The following CTNNAL1 variants were observed in gnomAD, a reference collection of about 807,000 sequenced individuals.
CTNNAL1 encodes catenin alpha like 1, also known as alpha-catulin.
In CTNNAL1, 69 loss-of-function variants were observed where a neutral mutation model predicts 93.6. That is an observed-to-expected ratio of 0.74 (90% CI 0.61 to 0.90). The LOEUF is 0.90. CTNNAL1 is among the 40% of genes least tolerant of loss of function. CTNNAL1 has a pLI of 0.00. For missense variants in CTNNAL1, 836 were observed against 862.0 expected (o/e 0.97, Z 0.38); for synonymous variants, 286 against 305.4 (o/e 0.94, Z 0.66).
chr9:108,972,864 G>GGGGGGGGGGGGCGCCCCCCCCCC, intron 8 of CTNNAL1, 31 bp from the exon 9 acceptor site: 4 of 142,580 alleles, frequency 2.8e-5, no homozygotes, highest in Non-Finnish European at 4.0e-5. Context: ...GGGGGGGTGG[G>GGGGGGGGGGGGCGCCCCCCCCCC]AGGGTGGAGA....
At chr9:108,972,864 G>GGGGGGCGCCCC in intron 8 of CTNNAL1, 31 bp from the exon 9 acceptor site, 1 of 142,576 alleles carries the variant, frequency 7.0e-6, no homozygotes, top group Non-Finnish European at 1.0e-5. Context: ...GGGGGGGTGG[G>GGGGGGCGCCCC]AGGGTGGAGA....
intron 11 of CTNNAL1, among the ~76,000 whole-genome samples, chr9:108,958,059 GTC>G (rs1372192286): frequency 3.6e-4 from 23 of 63,802 alleles, no homozygotes; most frequent in Admixed American, 1.4e-3. Context: ...GAGCAAGACT[GTC>G]TCAAAAAAAA....
At position 108,970,436 on chromosome 9, in the gene CTNNAL1, T is replaced by A. The variant is rs180846178; in HGVS notation, c.1406A>T (p.His469Leu). 1 of 1,612,908 alleles carries A rather than the reference T, an allele frequency of 6.2e-7. No homozygotes were observed. The change falls in exon 10 of 19, where the codon CAT becomes CTT. Residue 469 changes from histidine (H) to leucine (L), a missense_variant. By Grantham distance (99) the His-to-Leu change is moderately conservative. Coordinates refer to ENST00000325551, the MANE Select transcript of CTNNAL1 (RefSeq NM_003798.4). ...GTEPLEITCI[H>L]AEETFQVTGQ... ...AGTCACCTGAAATGTCTCCTCTGCA[T>A]GTATACAGGTTATTTCCAGAGGTTC...
At chr9:108,960,893 A>T (rs1830804647) in intron 11 of CTNNAL1, among the ~76,000 whole-genome samples, 1 of 152,208 alleles carries the variant, frequency 6.6e-6, no homozygotes, top group Non-Finnish European at 1.5e-5. Flanking sequence ...AGACAGGAAG[A>T]CAAGTATTGA....
At chr9:108,978,063 G>C (rs1026607341) in intron 7 of CTNNAL1, among the ~76,000 whole-genome samples, 1 of 152,192 alleles carries the variant, frequency 6.6e-6, no homozygotes, top group African/African-American at 2.4e-5. Flanking sequence ...GGGTAAATTT[G>C]CTAAATTTGT....
rs1419194031 is a variant in CTNNAL1, at chr9:108,983,161, C to A, written c.884G>T (p.Gly295Val). 6.5e-7 allele frequency: 1 copy of A among 1,532,152 alleles called. No homozygotes were observed. Among genetic ancestry groups the A allele is most frequent in the South Asian group, 1.3e-5 (1 of 74,352 alleles). 94.9% of individuals were successfully genotyped at this position (1,532,152 alleles called of 1,614,324 possible). Residue 295 changes from glycine (G) to valine (V), a missense_variant, in exon 6 of 19, where the codon GGA becomes GTA. Physicochemically the swap from Gly to Val is moderately radical, Grantham distance 109. Transcript: ENST00000325551. ...TDISSISIFT[G>V]IKEFKMNIEA... ...TATTCTTACCTTGAATTCCTTAATTCCAGTAAAAATACTGATAGATGAAAT... is the reference window on the plus strand; with the variant it reads ...TATTCTTACCTTGAATTCCTTAATTACAGTAAAAATACTGATAGATGAAAT...
chr9:108,961,782 T>C (rs1253619321), intron 11 of CTNNAL1, among the ~76,000 whole-genome samples: 4 of 152,216 alleles, frequency 2.6e-5, no homozygotes, highest in Admixed American at 2.6e-4. Context: ...CAGGATTCCA[T>C]TACTAACAGA....
intron 4 of CTNNAL1, among the ~76,000 whole-genome samples, chr9:108,985,140 C>T (rs1347496112): frequency 6.6e-6 from 1 of 152,134 alleles, no homozygotes; most frequent in African/African-American, 2.4e-5. Flanking sequence ...CAACAAAATA[C>T]TCTGTTAATA....
Position 108,961,970 on chromosome 9 carries a change from T to G in CTNNAL1, c.1591+3408A>C, listed in dbSNP as rs1830830777. 3.3e-5 allele frequency among the ~76,000 whole-genome samples: 5 copies of G among 152,294 alleles called. 1 individual carries two copies. The Middle Eastern group carries it at 0.017, about 518-fold the overall frequency. On this transcript the variant is annotated intron_variant, in intron 11 of 18. Coordinates refer to ENST00000325551, the MANE Select transcript of CTNNAL1 (RefSeq NM_003798.4). ...AACTCAGAGCTGCAGTTGTGAGCAT[T>G]TTTCACAGAATTGGTTCATTCTCAT...
At chr9:108,984,568 G>T in intron 4 of CTNNAL1, 132 bp from the exon 5 acceptor site, 3 of 546,984 alleles carry the variant, frequency 5.5e-6, no homozygotes, top group Non-Finnish European at 6.4e-6. Flanking sequence ...AAAAAACCAG[G>T]ATAAAGTTTT....
intron 15 of CTNNAL1, among the ~76,000 whole-genome samples, chr9:108,944,955 T>C (rs1461746883): frequency 6.6e-6 from 1 of 152,206 alleles, no homozygotes; most frequent in Non-Finnish European, 1.5e-5. Flanking sequence ...ACATCTAGAC[T>C]CCAACCAAAT....
chr9:108,942,812 C>T lies in CTNNAL1; in HGVS notation c.2162G>A (p.Trp721Ter). 1.9e-6 allele frequency: 3 copies of T among 1,613,646 alleles called. No homozygotes were observed. The highest frequency in any genetic ancestry group is 2.5e-6 in the Non-Finnish European group (3 of 1,179,788). The change falls in exon 19 of 19, where the codon TGG becomes TAG. Residue 721 changes from tryptophan (W) to a stop codon, truncating the protein, a stop_gained. Coordinates refer to ENST00000325551, the MANE Select transcript of CTNNAL1 (RefSeq NM_003798.4). LOFTEE classifies it high-confidence loss of function. ...LKKLQMENNG[W>*]VSVTNKDTMD... ...AGTGTCCTTATTTGTAACTGAGACC[C>T]ATCCGTTATTTTCCATCTGAAGCTG... is the stretch of plus-strand genomic sequence containing the variant.
At chr9:108,943,913 G>C in intron 16 of CTNNAL1, 49 bp downstream of exon 16, 1 of 1,600,942 alleles carries the variant, frequency 6.2e-7, no homozygotes, top group Non-Finnish European at 8.5e-7. Context: ...CCCCAAAGTA[G>C]GTTATACATA....
At chr9:108,987,509 C>T (rs1206332024) in intron 4 of CTNNAL1, among the ~76,000 whole-genome samples, 9 of 151,836 alleles carry the variant, frequency 5.9e-5, no homozygotes, top group South Asian at 2.1e-4. Context: ...CTTGGCAATG[C>T]GGGCTCTTTT....
At chr9:109,003,934 C>G (rs1449446561) in intron 1 of CTNNAL1, among the ~76,000 whole-genome samples, 2 of 152,188 alleles carry the variant, frequency 1.3e-5, no homozygotes, top group African/African-American at 2.4e-5. Flanking sequence ...CTATTCCTCC[C>G]TTAAATAGGT....
At position 108,943,032 on chromosome 9, in the gene CTNNAL1, T is replaced by C; in HGVS notation, c.2068A>G (p.Ile690Val). ...GCCATCATGGATCTTGTCTTCGTAA[T>C]ACACTTGTCAACCTACAATGACAAA... ...NKVFLKVDKC[I>V]TKTRSMMALL... The change falls in exon 18 of 19, where the codon ATT becomes GTT. Residue 690 changes from isoleucine (I) to valine (V), a missense_variant. Physicochemically the swap from Ile to Val is conservative, Grantham distance 29. Transcript: ENST00000325551. The C allele has an allele frequency of 6.2e-7, 1 of 1,611,386 alleles. No individual in the cohort carries two copies. Among genetic ancestry groups the C allele is most frequent in the South Asian group, 1.1e-5 (1 of 90,158 alleles).
At chr9:108,986,173 C>A (rs1248096462) in intron 4 of CTNNAL1, among the ~76,000 whole-genome samples, 1 of 142,204 alleles carries the variant, frequency 7.0e-6, no homozygotes, top group Non-Finnish European at 1.5e-5. Flanking sequence ...GCTATCCCTC[C>A]CCCCTCCCCG....
Position 108,970,339 on chromosome 9 carries a change from C to T in CTNNAL1, c.1440+63G>A, listed in dbSNP as rs28361149. 3.0e-5 allele frequency: 43 copies of T among 1,437,962 alleles called. 1 individual carries two copies. In the South Asian group the frequency reaches 5.9e-4, roughly 20 times the overall value. 89.1% of individuals were successfully genotyped at this position (1,437,962 alleles called of 1,614,324 possible). ...AAAAACCATTTATACCTTCCATCCACACAACTTGTTATAACACTCAGATAG... is the reference window on the plus strand; with the variant it reads ...AAAAACCATTTATACCTTCCATCCATACAACTTGTTATAACACTCAGATAG... On this transcript the variant is annotated intron_variant, in intron 10 of 18. Transcript: ENST00000325551.
chr9:109,013,411 C>G lies in CTNNAL1; in HGVS notation c.32G>C (p.Gly11Ala), dbSNP rs1354912769. The change falls in exon 1 of 19, where the codon GGC becomes GCC. Residue 11 changes from glycine (G) to alanine (A), a missense_variant. Gly to Ala is a moderately conservative substitution (Grantham distance 60). Transcript: ENST00000325551. ...GGAGCCGTAGACTGCTCCGGCGCCG[C>G]CAACGCCGGCGGGTCCGGGAGAGGC... is the stretch of plus-strand genomic sequence containing the variant. MAASPGPAGV[G>A]GAGAVYGSGS... 1.3e-6 allele frequency: 2 copies of G among 1,488,930 alleles called. No homozygotes were observed. Among genetic ancestry groups the G allele is most frequent in the Admixed American group, 2.4e-5 (1 of 42,180 alleles). 92.2% of individuals were successfully genotyped at this position (1,488,930 alleles called of 1,614,324 possible). A position where few individuals can be genotyped will look rare whatever the true frequency, so the allele number is the denominator to read the frequency against.
Sources: allele counts gnomAD v4.1 joint callset (sites outside exome capture counted in the v4.1 genomes callset), GRCh38; gene constraint gnomAD v4.1.1; transcripts MANE v1.5; gene names NCBI Gene and HGNC (gene_info 2026-07-23, HGNC 2026-07-21).